EIF2AK4: variants seen among roughly 807,000 people sequenced by gnomAD.
EIF2AK4 encodes eIF-2-alpha kinase GCN2.
In EIF2AK4, 139 loss-of-function variants were observed where a neutral mutation model predicts 211.1. The observed-to-expected ratio is 0.66, with a 90% CI of 0.57 to 0.76. The LOEUF (loss-of-function observed/expected upper bound fraction) is 0.76, where lower values mean the gene tolerates loss of function less well. Ranked by LOEUF, EIF2AK4 falls within the 30% of genes least tolerant of loss-of-function variation. The probability of loss-of-function intolerance (pLI) is 0.00; values close to 1 mark genes in which losing one functional copy is unlikely to be tolerated. For synonymous variants in EIF2AK4, 710 were observed against 751.3 expected (o/e 0.94, Z 0.90); for missense variants, 1,664 against 2,043.8 (o/e 0.81, Z 3.58).
intron 11 of EIF2AK4, 133 bp downstream of exon 11, chr15:39,973,882 C>T (rs1196594385): frequency 1.3e-5 from 12 of 949,928 alleles, no homozygotes; most frequent in Non-Finnish European, 1.9e-5. Flanking sequence ...CTATGCTCAT[C>T]CTCACCTTCC....
At position 39,950,510 on chromosome 15, in the gene EIF2AK4, G is replaced by A. The variant is rs61375261; in HGVS notation, c.513+1242G>A. Among the ~76,000 whole-genome samples, 1,002 of 150,988 alleles carry A rather than the reference G, an allele frequency of 6.6e-3. 14 individuals carry two copies. The highest frequency in any genetic ancestry group is 0.022 in the African/African-American group (904 of 41,066). ...GGAGTCTGAGGCACGAGAATTGCTCGAACCCGGGAGGAGGAGGTTGCAGTG... is the reference window on the plus strand; with the variant it reads ...GGAGTCTGAGGCACGAGAATTGCTCAAACCCGGGAGGAGGAGGTTGCAGTG... On this transcript the variant is annotated intron_variant, in intron 4 of 38. Coordinates refer to ENST00000263791, the MANE Select transcript of EIF2AK4 (RefSeq NM_001013703.4).
chr15:40,002,219 G>A (rs200244617), intron 21 of EIF2AK4, among the ~76,000 whole-genome samples: 1 of 152,078 alleles, frequency 6.6e-6, no homozygotes, highest in South Asian at 2.1e-4. Flanking sequence ...TTTTTCATAT[G>A]TGTTGTTTCT....
At chr15:39,989,629 A>C (rs1005126521) in intron 15 of EIF2AK4, among the ~76,000 whole-genome samples, 5 of 152,198 alleles carry the variant, frequency 3.3e-5, no homozygotes, top group Non-Finnish European at 5.9e-5. Flanking sequence ...CTTGAGAGGG[A>C]CTTCTTGCTC....
chr15:39,936,409 C>T (rs2034064952), intron 1 of EIF2AK4, among the ~76,000 whole-genome samples: 2 of 152,218 alleles, frequency 1.3e-5, no homozygotes, highest in East Asian at 1.9e-4. Flanking sequence ...GGTCCAAAAT[C>T]CTTTATCCAA....
chr15:39,992,049 A>G lies in EIF2AK4; in HGVS notation c.2632-126A>G, dbSNP rs535882842. The G allele has an allele frequency of 7.0e-5, 63 of 900,780 alleles. 1 individual carries two copies. The South Asian group carries it at 1.2e-3, about 18-fold the overall frequency. The allele number at this position is 900,780 out of a possible 1,614,324, so 55.8% of individuals were successfully genotyped here. ...TAAACTAGAAAAAAAATTAAAACTC[A>G]AAGCGTTATTATATTATTTTGATTT... On this transcript the variant is annotated intron_variant, in intron 16 of 38. Coordinates refer to ENST00000263791, the MANE Select transcript of EIF2AK4 (RefSeq NM_001013703.4).
chr15:40,027,855 A>G (rs1420410641), intron 33 of EIF2AK4, among the ~76,000 whole-genome samples: 2 of 151,322 alleles, frequency 1.3e-5, no homozygotes, highest in African/African-American at 4.9e-5. Context: ...CGTGGACTGC[A>G]CTCCAGCCTG....
chr15:39,954,047 T>C (rs2034357246), intron 5 of EIF2AK4, 63 bp downstream of exon 5: 9 of 1,285,292 alleles, frequency 7.0e-6, no homozygotes, highest in South Asian at 1.4e-5. Flanking sequence ...TTATTTCCAC[T>C]GATGACATCT....
intron 7 of EIF2AK4, among the ~76,000 whole-genome samples, chr15:39,964,631 A>G (rs2034518531): frequency 6.6e-6 from 1 of 152,178 alleles, no homozygotes; most frequent in African/African-American, 2.4e-5. Context: ...AGGAGAATAG[A>G]GGGAACTAAA....
At chr15:39,987,926 T>C (rs1314720862) in intron 14 of EIF2AK4, 57 bp from the exon 15 acceptor site, 18 of 1,591,982 alleles carry the variant, frequency 1.1e-5, no homozygotes, top group Non-Finnish European at 1.5e-5. Flanking sequence ...ATTGCAGTTA[T>C]ACTCCTTCAC....
intron 11 of EIF2AK4, chr15:39,975,246 A>ATGACACACCTCTAC (rs11270095): frequency 0.91 from 138,848 of 152,066 alleles, 63,814 homozygotes; most frequent in Middle Eastern, 0.97. Context: ...TTTGCCTGAG[A>ATGACACACCTCTAC]TAAGGGAGAT....
chr15:40,017,390 A>C (rs551292698), intron 29 of EIF2AK4, 148 bp downstream of exon 29: 1 of 993,030 alleles, frequency 1.0e-6, no homozygotes, highest in Non-Finnish European at 1.4e-6. Context: ...TAGGAATAGA[A>C]ATATAATGTG....
chr15:40,031,719 A>C (rs1163535319), intron 35 of EIF2AK4, among the ~76,000 whole-genome samples: 2 of 151,446 alleles, frequency 1.3e-5, no homozygotes, highest in African/African-American at 4.8e-5. Context: ...GAGTGGATTA[A>C]GAGCAAATCT....
chr15:40,019,236 G>A lies in EIF2AK4; in HGVS notation c.4173+36G>A, dbSNP rs777780987. On this transcript the variant is annotated intron_variant, in intron 30 of 38. Transcript: ENST00000263791. ...GCTTGGCTTCCCAGCATACTTCGAG[G>A]TGTCTTTCATTTCTAAAAGTATGAT... The A allele has an allele frequency of 5.5e-6, 8 of 1,459,048 alleles. 1 individual carries two copies. In the South Asian group the frequency reaches 7.9e-5, roughly 14 times the overall value. 90.4% of individuals were successfully genotyped at this position (1,459,048 alleles called of 1,614,324 possible). A position where few individuals can be genotyped will look rare whatever the true frequency, so the allele number is the denominator to read the frequency against.
intron 18 of EIF2AK4, among the ~76,000 whole-genome samples, chr15:39,994,060 G>A (rs2034986786): frequency 6.6e-6 from 1 of 152,206 alleles, no homozygotes; most frequent in Non-Finnish European, 1.5e-5. Context: ...TGACTGAAGT[G>A]AGGAAACCTA....
At chr15:39,951,226 G>C (rs183122817) in intron 4 of EIF2AK4, 3 of 152,302 alleles carry the variant, frequency 2.0e-5, no homozygotes, top group African/African-American at 7.2e-5. Flanking sequence ...TTTCGCTGTT[G>C]TTGCCCCAGG....
At chr15:39,984,770 C>T (rs117148677) in intron 13 of EIF2AK4, among the ~76,000 whole-genome samples, 24,723 of 152,142 alleles carry the variant, frequency 0.16, 2,295 homozygotes, top group South Asian at 0.37. Flanking sequence ...ATGGGGTTTT[C>T]TAAATATACA....
rs759370571 is a variant in EIF2AK4, at chr15:40,006,996, A to G, written c.3358-20A>G. On this transcript the variant is annotated intron_variant, in intron 23 of 38. Coordinates refer to ENST00000263791, the MANE Select transcript of EIF2AK4 (RefSeq NM_001013703.4). Reference sequence around the variant, plus strand: ...AGGCACATTTTGACATTGACCTTTCATATTTTGTTTATTTTTCAGATCCCT... The same window carrying G: ...AGGCACATTTTGACATTGACCTTTCGTATTTTGTTTATTTTTCAGATCCCT... 7.8e-6 allele frequency: 12 copies of G among 1,547,014 alleles called. No individual in the cohort carries two copies. The African/African-American group carries it at 1.6e-4, about 21-fold the overall frequency.
chr15:40,008,915 T>A (rs1195944121), intron 25 of EIF2AK4, among the ~76,000 whole-genome samples: 3 of 152,194 alleles, frequency 2.0e-5, no homozygotes, highest in African/African-American at 7.2e-5. Flanking sequence ...CACCACTCGG[T>A]GAATACTCAT....
intron 12 of EIF2AK4, 130 bp downstream of exon 12, chr15:39,976,974 AG>A (rs1256198870): frequency 6.6e-6 from 8 of 1,207,366 alleles, no homozygotes; most frequent in Non-Finnish European, 8.7e-6. Context: ...TTTTTGAGAT[AG>A]GGTCTTGCTC....
Sources: allele counts gnomAD v4.1 joint callset (sites outside exome capture counted in the v4.1 genomes callset), GRCh38; gene constraint gnomAD v4.1.1; transcripts MANE v1.5; gene names NCBI Gene and HGNC (gene_info 2026-07-23, HGNC 2026-07-21).